SLC24A2: variants seen among roughly 807,000 people sequenced by gnomAD.
The protein encoded by SLC24A2 is solute carrier family 24 member 2, also known as sodium/potassium/calcium exchanger 2.
Under a neutral mutation model 62.0 loss-of-function variants are expected in SLC24A2, and 36 were observed. The observed-to-expected ratio is 0.58, with a 90% CI of 0.44 to 0.77. The LOEUF (loss-of-function observed/expected upper bound fraction) is 0.77, where lower values mean the gene tolerates loss of function less well. Among genes scored for constraint, SLC24A2 ranks in the 30% least tolerant of loss-of-function variants. The probability of loss-of-function intolerance (pLI) is 0.00; values close to 1 mark genes in which losing one functional copy is unlikely to be tolerated. For synonymous variants in SLC24A2, 358 were observed against 294.0 expected (o/e 1.22, Z -2.23); for missense variants, 846 against 817.9 (o/e 1.03, Z -0.42).
the SLC24A2 span, among the ~76,000 whole-genome samples, chr9:20,034,850 A>G: frequency 6.6e-6 from 1 of 152,204 alleles, no homozygotes; most frequent in African/African-American, 2.4e-5. Flanking sequence ...AATGTTCAAT[A>G]GGAAAAAAAG....
chr9:19,889,477 C>CCACAGTT, the SLC24A2 span, among the ~76,000 whole-genome samples: 2 of 152,022 alleles, frequency 1.3e-5, no homozygotes, highest in East Asian at 3.9e-4. Context: ...CCAAAACAGT[C>CCACAGTT]CATAGGCCTC....
chr9:20,231,165 C>T, the SLC24A2 span, among the ~76,000 whole-genome samples: 12,158 of 152,162 alleles, frequency 0.08, 548 homozygotes, highest in Middle Eastern at 0.12. Context: ...AGTCAGGTAG[C>T]GTGATGCCTC....
At chr9:19,714,686 A>T (rs182971787) in intron 2 of SLC24A2, among the ~76,000 whole-genome samples, 1 of 152,332 alleles carries the variant, frequency 6.6e-6, no homozygotes, top group African/African-American at 2.4e-5. Flanking sequence ...TGAAATACAT[A>T]TATAGAGTAA....
chr9:20,305,134 G>C, the SLC24A2 span, among the ~76,000 whole-genome samples: 4 of 145,440 alleles, frequency 2.8e-5, no homozygotes, highest in African/African-American at 1.0e-4. Flanking sequence ...TTTTGAGATG[G>C]AGTCTTGCTC....
intron 5 of SLC24A2, among the ~76,000 whole-genome samples, chr9:19,586,533 AGTT>A (rs1836375923): frequency 1.1e-5 from 1 of 87,028 alleles, no homozygotes; most frequent in African/African-American, 7.2e-5. Flanking sequence ...GCTGTGGTTA[AGTT>A]AAGTTTCCAA....
chr9:19,525,241 AT>A (rs1833379264), intron 9 of SLC24A2, among the ~76,000 whole-genome samples: 1 of 152,198 alleles, frequency 6.6e-6, no homozygotes, highest in East Asian at 1.9e-4. Flanking sequence ...TCATGTAGAA[AT>A]AAGACAGTGT....
At chr9:19,804,042 A>T in the SLC24A2 span, among the ~76,000 whole-genome samples, 1 of 152,166 alleles carries the variant, frequency 6.6e-6, no homozygotes, top group African/African-American at 2.4e-5. Context: ...ATGTTGTGGA[A>T]AAATAGTGAA....
the SLC24A2 span, among the ~76,000 whole-genome samples, chr9:20,109,210 T>C: frequency 9.2e-5 from 14 of 152,268 alleles, no homozygotes; most frequent in East Asian, 2.7e-3. Context: ...CCCACATTTC[T>C]CAAAATTTAT....
the SLC24A2 span, among the ~76,000 whole-genome samples, chr9:19,993,835 T>C: frequency 6.6e-6 from 1 of 152,170 alleles, no homozygotes; most frequent in Non-Finnish European, 1.5e-5. Context: ...AGCCTTGAAC[T>C]TCATGCTAGT....
At chr9:19,753,041 C>G (rs1314118650) in intron 2 of SLC24A2, among the ~76,000 whole-genome samples, 1 of 152,186 alleles carries the variant, frequency 6.6e-6, no homozygotes, top group Non-Finnish European at 1.5e-5. Context: ...TCCCTGATCC[C>G]TCAGGTGCCA....
intron 2 of SLC24A2, among the ~76,000 whole-genome samples, chr9:19,769,650 A>G (rs115119211): frequency 6.6e-6 from 1 of 152,162 alleles, no homozygotes; most frequent in Admixed American, 6.5e-5. Context: ...TGTGTTACCA[A>G]TGTAATCAGC....
the SLC24A2 span, among the ~76,000 whole-genome samples, chr9:20,095,387 T>C: frequency 1.8e-4 from 28 of 152,336 alleles, 1 homozygote; most frequent in East Asian, 5.4e-3. Flanking sequence ...TCTGGGTGTT[T>C]CTGTAAGTGT....
At chr9:19,765,076 G>T (rs1230196305) in intron 2 of SLC24A2, among the ~76,000 whole-genome samples, 2 of 151,144 alleles carry the variant, frequency 1.3e-5, no homozygotes, top group Admixed American at 1.3e-4. Context: ...TCTGATATTT[G>T]TTTGTATAAA....
At chr9:19,686,399 A>C (rs1819881407) in intron 2 of SLC24A2, among the ~76,000 whole-genome samples, 1 of 152,134 alleles carries the variant, frequency 6.6e-6, no homozygotes, top group Non-Finnish European at 1.5e-5. Context: ...CAGCAATTCC[A>C]ATACTGGCTA....
the SLC24A2 span, among the ~76,000 whole-genome samples, chr9:19,878,893 C>T: frequency 2.0e-4 from 31 of 152,098 alleles, no homozygotes; most frequent in African/African-American, 7.5e-4. Flanking sequence ...CCCAGAAAAC[C>T]CCCAATTATG....
the SLC24A2 span, among the ~76,000 whole-genome samples, chr9:19,897,114 G>C: frequency 6.6e-6 from 1 of 152,202 alleles, no homozygotes; most frequent in African/African-American, 2.4e-5. Flanking sequence ...AAAGAGTCCA[G>C]TCGTCATTGG....
Position 19,762,130 on chromosome 9 carries a change from A to T in SLC24A2, c.930+23807T>A, listed in dbSNP as rs138866036. On this transcript the variant is annotated intron_variant, in intron 2 of 10. Transcript: ENST00000341998. ...AAAAGTGTTTGAGAAGTGTCTGTTC[A>T]TATCCTTTGCCCACTTTTTGATGGG... 9.4e-3 allele frequency among the ~76,000 whole-genome samples: 1,437 copies of T among 152,170 alleles called. 24 individuals carry two copies. The highest frequency in any genetic ancestry group is 0.063 in the South Asian group (304 of 4,808).
At chr9:19,720,380 T>A (rs1436571100) in intron 2 of SLC24A2, among the ~76,000 whole-genome samples, 2 of 152,114 alleles carry the variant, frequency 1.3e-5, no homozygotes, top group Non-Finnish European at 2.9e-5. Context: ...GAATCTACAA[T>A]AGTTTACCAG....
chr9:20,248,417 G>C, the SLC24A2 span, among the ~76,000 whole-genome samples: 1 of 152,210 alleles, frequency 6.6e-6, no homozygotes, highest in Non-Finnish European at 1.5e-5. Flanking sequence ...TCTGGAGGTT[G>C]GGAATTCCAA....
Sources: allele counts gnomAD v4.1 joint callset (sites outside exome capture counted in the v4.1 genomes callset), GRCh38; gene constraint gnomAD v4.1.1; transcripts MANE v1.5; gene names NCBI Gene and HGNC (gene_info 2026-07-23, HGNC 2026-07-21).